The following OSBPL1A variants were observed in gnomAD, a reference collection of about 807,000 sequenced individuals.
OSBPL1A encodes oxysterol-binding protein-related protein 1.
OSBPL1A carries 80 observed loss-of-function variants against 137.1 expected under a neutral mutation model. The observed-to-expected ratio is 0.58, with a 90% confidence interval of 0.49 to 0.70. The LOEUF is 0.70. Among genes scored for constraint, OSBPL1A ranks in the 30% least tolerant of loss-of-function variants. The pLI, the probability that OSBPL1A is intolerant of heterozygous loss-of-function variation, is 0.00. For missense variants in OSBPL1A, 970 were observed against 1,129.4 expected (o/e 0.86, Z 2.02); for synonymous variants, 365 against 389.7 (o/e 0.94, Z 0.75).
At chr18:24,207,719 G>A (rs2087415192) in intron 17 of OSBPL1A, among the ~76,000 whole-genome samples, 1 of 152,070 alleles carries the variant, frequency 6.6e-6, no homozygotes, top group African/African-American at 2.4e-5. Context: ...ACAGCTATTA[G>A]ATACTTATCA....
chr18:24,268,068 T>G (rs1003455937), intron 15 of OSBPL1A, among the ~76,000 whole-genome samples: 1 of 152,218 alleles, frequency 6.6e-6, no homozygotes, highest in African/African-American at 2.4e-5. Context: ...CTCACTCCTT[T>G]GCATGCTGCA....
At chr18:24,255,797 C>A (rs2089256710) in intron 15 of OSBPL1A, among the ~76,000 whole-genome samples, 1 of 150,586 alleles carries the variant, frequency 6.6e-6, no homozygotes. Flanking sequence ...CGCTCTCTCG[C>A]CCAGGCTGGA....
chr18:24,393,695 C>T (rs569953623), intron 1 of OSBPL1A, among the ~76,000 whole-genome samples: 2 of 152,202 alleles, frequency 1.3e-5, no homozygotes, highest in South Asian at 2.1e-4. Context: ...CCTCGTGATC[C>T]GCCCATCTCG....
At chr18:24,164,834 T>C (rs1032677175) in intron 27 of OSBPL1A, among the ~76,000 whole-genome samples, 6 of 152,174 alleles carry the variant, frequency 3.9e-5, no homozygotes, top group Admixed American at 1.3e-4. Context: ...CATCCCCACG[T>C]TTATGACAGC....
chr18:24,191,561 A>C (rs1170867140), intron 18 of OSBPL1A, among the ~76,000 whole-genome samples: 1 of 152,224 alleles, frequency 6.6e-6, no homozygotes, highest in East Asian at 1.9e-4. Context: ...TATTTTCATA[A>C]ATTTTATAAT....
chr18:24,286,111 C>T (rs567470046), intron 14 of OSBPL1A, among the ~76,000 whole-genome samples: 9 of 152,184 alleles, frequency 5.9e-5, no homozygotes, highest in East Asian at 5.8e-4. Context: ...GAGCCAAGAT[C>T]GCGCCACTGC....
chr18:24,170,614 C>T (rs574651743), intron 23 of OSBPL1A, 161 bp from the exon 24 acceptor site: 19 of 681,372 alleles, frequency 2.8e-5, no homozygotes, highest in South Asian at 2.4e-4. Context: ...AGGGTGGCAT[C>T]GCCATAGACT....
At chr18:24,237,296 AT>A (rs1567966299) in intron 16 of OSBPL1A, among the ~76,000 whole-genome samples, 1 of 152,100 alleles carries the variant, frequency 6.6e-6, no homozygotes, top group African/African-American at 2.4e-5. Flanking sequence ...CTTAAATAAA[AT>A]TTTTTAAAGG....
intron 18 of OSBPL1A, among the ~76,000 whole-genome samples, chr18:24,188,731 C>A (rs903258205): frequency 6.6e-6 from 1 of 152,194 alleles, no homozygotes; most frequent in African/African-American, 2.4e-5. Flanking sequence ...CCTCCATCAT[C>A]TGTAATTATT....
intron 16 of OSBPL1A, among the ~76,000 whole-genome samples, chr18:24,237,976 A>G (rs2088552026): frequency 6.6e-6 from 1 of 152,214 alleles, no homozygotes; most frequent in African/African-American, 2.4e-5. Context: ...AAATCTGGCT[A>G]TGAAAATTAC....
At chr18:24,215,398 T>A (rs1227224336) in intron 17 of OSBPL1A, among the ~76,000 whole-genome samples, 1 of 152,188 alleles carries the variant, frequency 6.6e-6, no homozygotes, top group Non-Finnish European at 1.5e-5. Flanking sequence ...AATCAATGTG[T>A]TTTGAAAAGA....
intron 12 of OSBPL1A, 47 bp from the exon 13 acceptor site, chr18:24,312,153 C>A: frequency 6.2e-7 from 1 of 1,603,614 alleles, no homozygotes. Flanking sequence ...CATTTTTATT[C>A]CAAAGAGATA....
Position 24,271,642 on chromosome 18 carries a change from C to A in OSBPL1A, c.1281+9200G>T, listed in dbSNP as rs1004403780. On this transcript the variant is annotated intron_variant, in intron 15 of 27. Coordinates refer to ENST00000319481, the MANE Select transcript of OSBPL1A (RefSeq NM_080597.4). This position sits in a 1 kb window ranked among gnomAD's most constrained non-coding sequence, Gnocchi z 4.0. Reference sequence around the variant, plus strand: ...CCTACCTGGGCCAGATCCGAGGACCCCGGCTGGCGCGCTCCACCCTGCGCT... The same window carrying A: ...CCTACCTGGGCCAGATCCGAGGACCACGGCTGGCGCGCTCCACCCTGCGCT... 1.2e-4 allele frequency: 115 copies of A among 985,668 alleles called. No homozygotes were observed. Among genetic ancestry groups the A allele is most frequent in the Non-Finnish European group, 1.3e-4 (111 of 830,206 alleles). The allele number at this position is 985,668 out of a possible 1,614,324, so 61.1% of individuals were successfully genotyped here. A position where few individuals can be genotyped will look rare whatever the true frequency, so the allele number is the denominator to read the frequency against.
intron 5 of OSBPL1A, among the ~76,000 whole-genome samples, chr18:24,341,102 C>T (rs1409892490): frequency 6.6e-6 from 1 of 152,126 alleles, no homozygotes; most frequent in African/African-American, 2.4e-5. Context: ...CTCAAACAAT[C>T]CTCCTCCCTC....
intron 4 of OSBPL1A, among the ~76,000 whole-genome samples, chr18:24,354,145 C>T (rs1025457051): frequency 2.6e-5 from 4 of 151,378 alleles, no homozygotes; most frequent in Non-Finnish European, 5.9e-5. Context: ...AAAAAAAAAA[C>T]TCAAGTTAAA....
chr18:24,290,669 C>T (rs999754374), intron 14 of OSBPL1A, among the ~76,000 whole-genome samples: 3 of 151,948 alleles, frequency 2.0e-5, no homozygotes, highest in African/African-American at 2.4e-5. Flanking sequence ...GGCAACAGAG[C>T]GAGGCTCTGT....
At chr18:24,169,045 C>G (rs371174445) in intron 24 of OSBPL1A, among the ~76,000 whole-genome samples, 1 of 152,140 alleles carries the variant, frequency 6.6e-6, no homozygotes, top group African/African-American at 2.4e-5. Context: ...TGGACATGCC[C>G]TTCTCAGCCC....
chr18:24,287,772 A>AAAAATAAAAT (rs56768879), intron 14 of OSBPL1A, among the ~76,000 whole-genome samples: 17,078 of 136,034 alleles, frequency 0.13, 1,651 homozygotes, highest in African/African-American at 0.25. Context: ...ACTCTGTCTC[A>AAAAATAAAAT]AAAATAAAAT....
chr18:24,210,165 G>T (rs754131529), intron 17 of OSBPL1A, among the ~76,000 whole-genome samples: 1 of 152,122 alleles, frequency 6.6e-6, no homozygotes, highest in Non-Finnish European at 1.5e-5. Flanking sequence ...AGTGGCTCAC[G>T]CCTGTAATCC....
Sources: gnomAD v4.1 joint callset for allele counts (sites outside exome capture counted in the v4.1 genomes callset) on GRCh38, gnomAD v4.1.1 for gene constraint, Gnocchi (gnomAD v3.1) non-coding constraint, MANE v1.5 for transcripts, NCBI Gene and HGNC (gene_info 2026-07-23, HGNC 2026-07-21) for gene names.